Variants in BDP1 observed in about 807,000 individuals in gnomAD.
BDP1 encodes transcription factor TFIIIB component B'' homolog.
Under a neutral mutation model 266.6 loss-of-function variants are expected in BDP1, and 169 were observed. The ratio of observed to expected loss-of-function variants is 0.63; its 90% CI spans 0.56 to 0.72. The LOEUF (loss-of-function observed/expected upper bound fraction) is 0.72, where lower values mean the gene tolerates loss of function less well. BDP1 is among the 30% of genes least tolerant of loss of function. The pLI is 0.00. For synonymous variants in BDP1, 1,090 were observed against 1,022.4 expected, an observed-to-expected ratio of 1.07 and a Z score of -1.26; for missense variants, 3,015 against 3,053.8, an observed-to-expected ratio of 0.99 and a Z score of 0.30.
At chr5:71,517,229 A>G (rs1174274811) in intron 21 of BDP1, 93 bp from the exon 22 acceptor site, 2 of 1,092,362 alleles carry the variant, frequency 1.8e-6, no homozygotes, top group Admixed American at 6.5e-5. Flanking sequence ...AAGAAAAGGG[A>G]TTTTAAAAAA....
rs1554123908 is a variant in BDP1, at chr5:71,534,504, TTTG to T, written c.5892+2090_5892+2092del. Among the ~76,000 whole-genome samples the T allele has an allele frequency of 4.8e-4, 73 of 152,084 alleles. 1 individual carries two copies. The highest frequency in any genetic ancestry group is 1.7e-3 in the African/African-American group (72 of 41,480). ...CTGTTACTTTGTAGTAAGTTTTTTTTTTGTTGTTGTTGTTGAGATGGAGTCTCG... is the reference window on the plus strand; with the variant it reads ...CTGTTACTTTGTAGTAAGTTTTTTTTTTGTTGTTGTTGAGATGGAGTCTCG... On this transcript the variant is annotated intron_variant, in intron 26 of 38. Coordinates refer to ENST00000358731, the MANE Select transcript of BDP1 (RefSeq NM_018429.3).
chr5:71,467,569 A>G (rs1761981537), intron 6 of BDP1, 82 bp downstream of exon 6: 1 of 1,183,564 alleles, frequency 8.4e-7, no homozygotes, highest in Non-Finnish European at 1.2e-6. Context: ...GTTCTCCCCT[A>G]AGTACATAAA....
chr5:71,532,559 T>C, intron 26 of BDP1, 132 bp downstream of exon 26: 2 of 808,326 alleles, frequency 2.5e-6, no homozygotes, highest in South Asian at 5.0e-5. Flanking sequence ...GAGCTGTTAG[T>C]CTGAGTAGTA....
At chr5:71,535,090 A>T (rs1320194975) in intron 26 of BDP1, among the ~76,000 whole-genome samples, 1 of 152,236 alleles carries the variant, frequency 6.6e-6, no homozygotes, top group Non-Finnish European at 1.5e-5. Context: ...TCTGCAAATA[A>T]AGATAGTTTT....
At chr5:71,511,238 C>A in intron 17 of BDP1, 87 bp downstream of exon 17, 1 of 1,309,420 alleles carries the variant, frequency 7.6e-7, no homozygotes, top group Non-Finnish European at 1.1e-6. Context: ...TCCTTAAGTC[C>A]AACAACACTT....
intron 26 of BDP1, among the ~76,000 whole-genome samples, chr5:71,533,182 T>C (rs929663180): frequency 1.3e-5 from 2 of 152,248 alleles, no homozygotes; most frequent in African/African-American, 4.8e-5. Context: ...CATCCATTCA[T>C]GAACATTTGG....
chr5:71,496,597 C>G (rs1763908213), intron 12 of BDP1, among the ~76,000 whole-genome samples: 1 of 152,026 alleles, frequency 6.6e-6, no homozygotes, highest in African/African-American at 2.4e-5. Flanking sequence ...GCCACCACAT[C>G]CAGAGACGGA....
rs775283528 is a variant in BDP1 at position 71,510,480 on chromosome 5, A to G, written c.3388A>G (p.Lys1130Glu). ...CGGAAGGGAGATTTCCCCAAGGGAGAAGACACCAGAGGTGATTGATGCCAC... is the reference window on the plus strand; with the variant it reads ...CGGAAGGGAGATTTCCCCAAGGGAGGAGACACCAGAGGTGATTGATGCCAC... The part of the protein sequence containing the change: ...ATGREISPRE[K>E]TPEVIDATEE... The change falls in exon 17 of 39, where the codon AAG becomes GAG. Residue 1130 changes from lysine (K) to glutamate (E), a missense_variant. This residue lies in a region of BDP1 where 2,383 missense variants were observed against 2,404.9 expected (regional missense o/e 0.99). Coordinates refer to ENST00000358731, the MANE Select transcript of BDP1 (RefSeq NM_018429.3). The G allele has an allele frequency of 1.4e-5, 22 of 1,613,840 alleles. No individual in the cohort carries two copies. Among genetic ancestry groups the G allele is most frequent in the Non-Finnish European group, 1.8e-5 (21 of 1,179,936 alleles).
At position 71,549,163 on chromosome 5, in the gene BDP1, A is replaced by G. The variant is rs556572406; in HGVS notation, c.6809-257A>G. Among the ~76,000 whole-genome samples the G allele has an allele frequency of 6.1e-4, 93 of 152,220 alleles. 1 individual carries two copies. The South Asian group carries it at 0.019, about 31-fold the overall frequency. On this transcript the variant is annotated intron_variant, in intron 33 of 38. Transcript: ENST00000358731. ...TGAGGCACAAGAATCGCTTGAACCC[A>G]GGAGGCGGAGGTTGCAGTGAGCCGA...
intron 23 of BDP1, 121 bp downstream of exon 23, chr5:71,522,611 A>C (rs1765562340): frequency 8.6e-7 from 1 of 1,166,476 alleles, no homozygotes; most frequent in Non-Finnish European, 1.2e-6. Context: ...TTTTCATGAA[A>C]AGTGACTTTC....
chr5:71,481,545 ACT>A (rs900991705), intron 7 of BDP1, among the ~76,000 whole-genome samples: 12 of 151,964 alleles, frequency 7.9e-5, no homozygotes, highest in Non-Finnish European at 4.4e-5. Context: ...AGACATCAAG[ACT>A]CTGTTTCAAT....
rs762108174 is a variant in BDP1 at position 71,516,225 on chromosome 5, G to GAACGATATTACCAAAAGATGA, written c.4818_4838dup (p.Ile1607_Thr1613dup). ...GCCAAAGGCATAATTAAGGAAGGAAGAACGATATTACCAAAAGATGAAACT... is the reference window on the plus strand; with the variant it reads ...GCCAAAGGCATAATTAAGGAAGGAAGAACGATATTACCAAAAGATGAAACGATATTACCAAAAGATGAAACT... On this transcript the variant is annotated inframe_insertion, in exon 21 of 39. Coordinates refer to ENST00000358731, the MANE Select transcript of BDP1 (RefSeq NM_018429.3). 5 of 1,613,332 alleles carry GAACGATATTACCAAAAGATGA rather than the reference G, an allele frequency of 3.1e-6. No individual in the cohort carries two copies. The highest frequency in any genetic ancestry group is 4.2e-6 in the Non-Finnish European group (5 of 1,179,558).
At chr5:71,529,523 T>C (rs1415013021) in intron 25 of BDP1, among the ~76,000 whole-genome samples, 1 of 152,206 alleles carries the variant, frequency 6.6e-6, no homozygotes, top group African/African-American at 2.4e-5. Flanking sequence ...AGACCCTGTC[T>C]CTACATTCAG....
intron 16 of BDP1, among the ~76,000 whole-genome samples, chr5:71,508,075 C>T (rs1489112897): frequency 1.3e-5 from 2 of 151,972 alleles, no homozygotes; most frequent in Admixed American, 6.6e-5. Flanking sequence ...AGCTATTTTC[C>T]TGCTTTAGCC....
intron 20 of BDP1, among the ~76,000 whole-genome samples, chr5:71,515,710 G>A (rs1044084562): frequency 1.3e-5 from 2 of 151,692 alleles, no homozygotes; most frequent in Non-Finnish European, 2.9e-5. Context: ...TTGTTGTCCC[G>A]TTGCCACCAC....
chr5:71,505,750 A>C (rs1764543097), intron 16 of BDP1, among the ~76,000 whole-genome samples: 1 of 152,204 alleles, frequency 6.6e-6, no homozygotes, highest in Non-Finnish European at 1.5e-5. Flanking sequence ...CTATCTAGCT[A>C]CATGGAAGGC....
intron 34 of BDP1, among the ~76,000 whole-genome samples, chr5:71,551,906 ACCCCCCCACC>A (rs1561782888): frequency 8.5e-6 from 1 of 118,282 alleles, no homozygotes; most frequent in African/African-American, 3.4e-5. Context: ...CGGGGGGCTG[ACCCCCCCACC>A]TCCCTCCCGG....
At position 71,548,868 on chromosome 5, in the gene BDP1, G is replaced by A. The variant is rs6869187; in HGVS notation, c.6808+123G>A. 2,150 of 723,606 alleles carry A rather than the reference G, an allele frequency of 3.0e-3. 30 individuals are homozygous for A. In the African/African-American group the frequency reaches 0.033, roughly 11 times the overall value. The allele number at this position is 723,606 out of a possible 1,614,324, so 44.8% of individuals were successfully genotyped here. A position where few individuals can be genotyped will look rare whatever the true frequency, so the allele number is the denominator to read the frequency against. ...TCTATGCTGGCCTTAAATTTAAAAC[G>A]TTTTATAGAAACACCTTGAAGTATT... On this transcript the variant is annotated intron_variant, in intron 33 of 38. Coordinates refer to ENST00000358731, the MANE Select transcript of BDP1 (RefSeq NM_018429.3).
intron 35 of BDP1, among the ~76,000 whole-genome samples, chr5:71,554,558 A>G (rs2112011156): frequency 6.6e-6 from 1 of 152,312 alleles, no homozygotes; most frequent in South Asian, 2.1e-4. Context: ...CCATGCAGAC[A>G]TTATTTTGTT....
Sources: allele counts gnomAD v4.1 joint callset (sites outside exome capture counted in the v4.1 genomes callset), GRCh38; gene constraint gnomAD v4.1.1; regional missense constraint gnomAD v4.1.1; transcripts MANE v1.5; gene names NCBI Gene and HGNC (gene_info 2026-07-23, HGNC 2026-07-21).